Variants in NDOR1 observed in about 807,000 individuals in gnomAD.
NDOR1 encodes the protein NADPH-dependent diflavin oxidoreductase 1.
A neutral mutation model predicts 67.2 loss-of-function variants in NDOR1; 61 were observed. The observed-to-expected ratio is 0.91, with a 90% CI of 0.74 to 1.12. NDOR1 has a LOEUF of 1.12. NDOR1 is among the 50% of genes most tolerant of loss of function. The pLI is 0.00. For missense variants in NDOR1, 878 were observed against 802.8 expected, an observed-to-expected ratio of 1.09 and a Z score of -1.13; for synonymous variants, 378 against 343.7, an observed-to-expected ratio of 1.10 and a Z score of -1.10.
chr9:137,215,772 G>A lies in NDOR1; in HGVS notation c.1402G>A (p.Ala468Thr). The change falls in exon 11 of 14, where the codon GCC becomes ACC. Residue 468 changes from alanine to threonine, a missense_variant. Ala to Thr is a moderately conservative substitution (Grantham distance 58). Transcript: ENST00000684003. The part of the protein sequence containing the change: ...PGTGVAPFRA[A>T]IQERVAQGQT... Reference sequence around the variant, plus strand: ...CACTGGGGTAGCCCCCTTCCGAGCAGCCATCCAGGAGCGTGTGGCCCAGGG... The same window carrying A: ...CACTGGGGTAGCCCCCTTCCGAGCAACCATCCAGGAGCGTGTGGCCCAGGG... 6.3e-7 allele frequency: 1 copy of A among 1,597,428 alleles called. No individual in the cohort carries two copies. Among genetic ancestry groups the A allele is most frequent in the Non-Finnish European group, 8.5e-7 (1 of 1,171,126 alleles).
intron 6 of NDOR1, 59 bp from the exon 7 acceptor site, chr9:137,214,511 C>T (rs949237149): frequency 2.0e-5 from 32 of 1,608,786 alleles, no homozygotes; most frequent in Admixed American, 3.3e-5. Context: ...GACTTCTATC[C>T]GGGGCCCCGA....
rs1205595979 is a variant in NDOR1, at chr9:137,217,287, G to T, written c.*871G>T. On this transcript the variant is annotated 3_prime_UTR_variant, in exon 14 of 14. Transcript: ENST00000684003. ...CGCCCTGACTGCCTCGTTCTTAAGG[G>T]CATAGTGGGTCGGCTAAGATCTGAT... Among the ~76,000 whole-genome samples, 1 of 152,202 alleles carries T rather than the reference G, an allele frequency of 6.6e-6. No individual in the cohort carries two copies. Among genetic ancestry groups the T allele is most frequent in the Non-Finnish European group, 1.5e-5 (1 of 68,044 alleles).
At chr9:137,211,139 T>C (rs928791932) in intron 2 of NDOR1, among the ~76,000 whole-genome samples, 1 of 152,002 alleles carries the variant, frequency 6.6e-6, no homozygotes, top group Non-Finnish European at 1.5e-5. Flanking sequence ...AGACTCCATC[T>C]CAAAAAAAGA....
At position 137,205,939 on chromosome 9, in the gene NDOR1, G is replaced by A. The variant is rs552672687; in HGVS notation, c.135+27G>A. On this transcript the variant is annotated intron_variant, in intron 1 of 13. Coordinates refer to ENST00000684003, the MANE Select transcript of NDOR1 (RefSeq NM_014434.4). ...TGAGGGCTCGCTAGGGCCTCGGCGT[G>A]GGGGACGAGCAGGCCTGGCGTGCCC... 5.1e-6 allele frequency: 8 copies of A among 1,562,644 alleles called. No homozygotes were observed. In the African/African-American group the frequency reaches 8.1e-5, roughly 16 times the overall value.
chr9:137,205,983 C>T, intron 1 of NDOR1, 71 bp downstream of exon 1: 1 of 1,496,418 alleles, frequency 6.7e-7, no homozygotes, highest in South Asian at 1.3e-5. Flanking sequence ...GGGTCATCGA[C>T]CCAAAAGGCG....
chr9:137,216,435 C>A lies in NDOR1; in HGVS notation c.*19C>A. On this transcript the variant is annotated 3_prime_UTR_variant, in exon 14 of 14. Transcript: ENST00000684003. ...GGCCTGAGGCCCGCGGCTGCCCGTG[C>A]CCCCTCTGACAGCCATCCTCCTGGG... 6.3e-7 allele frequency: 1 copy of A among 1,586,842 alleles called. No homozygotes were observed. The highest frequency in any genetic ancestry group is 1.1e-5 in the South Asian group (1 of 90,460).
Position 137,218,315 on chromosome 9 carries a change from G to A in NDOR1, c.*1899G>A. On this transcript the variant is annotated 3_prime_UTR_variant, in exon 14 of 14. Transcript: ENST00000684003. Reference sequence around the variant, plus strand: ...GCCCTCACGCCAGCCCCGCCGAGAGGCCCCTGCATCCTATCACCGCAACCC... The same window carrying A: ...GCCCTCACGCCAGCCCCGCCGAGAGACCCCTGCATCCTATCACCGCAACCC... 1 of 398,148 alleles carries A rather than the reference G, an allele frequency of 2.5e-6. No homozygotes were observed. The highest frequency in any genetic ancestry group is 3.6e-5 in the East Asian group (1 of 28,046). The allele number at this position is 398,148 out of a possible 1,614,324, so 24.7% of individuals were successfully genotyped here. A position where few individuals can be genotyped will look rare whatever the true frequency, so the allele number is the denominator to read the frequency against.
rs7389929 is a variant in NDOR1 at position 137,217,748 on chromosome 9, G to A, written c.*1332G>A. The A allele has an allele frequency of 1.3e-5, 5 of 382,816 alleles. No homozygotes were observed. The highest frequency in any genetic ancestry group is 2.1e-5 in the African/African-American group (1 of 47,908). 23.7% of individuals were successfully genotyped at this position (382,816 alleles called of 1,614,324 possible). The stretch of plus-strand genomic sequence containing the variant: ...GCCTTCCCTGAGGGCCGCCCCTGTC[G>A]CCGCCCTGGGGTCCCTGTCCTCCTA... On this transcript the variant is annotated 3_prime_UTR_variant, in exon 14 of 14. Transcript: ENST00000684003.
chr9:137,211,175 C>CA (rs1434622202), intron 2 of NDOR1, among the ~76,000 whole-genome samples: 1 of 152,126 alleles, frequency 6.6e-6, no homozygotes, highest in Non-Finnish European at 1.5e-5. Context: ...GAAAGTATGA[C>CA]AAAAAGCAAG....
chr9:137,207,198 C>T (rs1403282346), intron 2 of NDOR1, among the ~76,000 whole-genome samples: 1 of 152,020 alleles, frequency 6.6e-6, no homozygotes, highest in Non-Finnish European at 1.5e-5. Context: ...CCATGAGATG[C>T]ACAGGACAGG....
chr9:137,208,483 C>CAA (rs918091354), intron 2 of NDOR1, among the ~76,000 whole-genome samples: 2 of 145,550 alleles, frequency 1.4e-5, no homozygotes, highest in Non-Finnish European at 3.0e-5. Flanking sequence ...ACAAAACAAA[C>CAA]AAACAAAAAA....
rs997203687 is a variant in NDOR1 at position 137,218,325 on chromosome 9, C to T, written c.*1909C>T. 4.0e-5 allele frequency: 16 copies of T among 398,104 alleles called. No homozygotes were observed. Among genetic ancestry groups the T allele is most frequent in the Non-Finnish European group, 6.6e-5 (15 of 225,798 alleles). 24.7% of individuals were successfully genotyped at this position (398,104 alleles called of 1,614,324 possible). A position where few individuals can be genotyped will look rare whatever the true frequency, so the allele number is the denominator to read the frequency against. On this transcript the variant is annotated 3_prime_UTR_variant, in exon 14 of 14. Coordinates refer to ENST00000684003, the MANE Select transcript of NDOR1 (RefSeq NM_014434.4). Reference sequence around the variant, plus strand: ...CAGCCCCGCCGAGAGGCCCCTGCATCCTATCACCGCAACCCTGGGCCCTGG... The same window carrying T: ...CAGCCCCGCCGAGAGGCCCCTGCATTCTATCACCGCAACCCTGGGCCCTGG...
At chr9:137,207,235 A>G (rs6606564) in intron 2 of NDOR1, among the ~76,000 whole-genome samples, 132,361 of 151,460 alleles carry the variant, frequency 0.87, 58,052 homozygotes, top group African/African-American at 0.93. Flanking sequence ...TCTGAGCTGA[A>G]GTGGTGGCAG....
intron 9 of NDOR1, 73 bp downstream of exon 9, chr9:137,215,275 G>A (rs560275181): frequency 4.5e-6 from 7 of 1,554,984 alleles, no homozygotes; most frequent in East Asian, 4.6e-5. Flanking sequence ...GGTTTTGTAA[G>A]CAGGGGCTGC....
rs1050614724 is a variant in NDOR1 at position 137,212,159 on chromosome 9, G to A, written c.214-343G>A. Among the ~76,000 whole-genome samples the A allele has an allele frequency of 6.6e-6, 1 of 152,088 alleles. No individual in the cohort carries two copies. Among genetic ancestry groups the A allele is most frequent in the African/African-American group, 2.4e-5 (1 of 41,400 alleles). On this transcript the variant is annotated intron_variant, in intron 2 of 13. Coordinates refer to ENST00000684003, the MANE Select transcript of NDOR1 (RefSeq NM_014434.4). This position sits in a 1 kb window ranked among gnomAD's most constrained non-coding sequence, Gnocchi z 4.3. ...GACCCCTGGGGCGGTGGACAGTTTG[G>A]AGACCAAGTGCAGAGCTGCTCCTGG...
intron 1 of NDOR1, 49 bp downstream of exon 1, chr9:137,205,961 G>A: frequency 6.6e-7 from 1 of 1,519,206 alleles, no homozygotes; most frequent in Non-Finnish European, 8.8e-7. Context: ...GGCCTGGCGT[G>A]CCCGCCTCGC....
intron 2 of NDOR1, among the ~76,000 whole-genome samples, chr9:137,208,920 C>T (rs559816254): frequency 1.7e-4 from 26 of 152,186 alleles, no homozygotes; most frequent in African/African-American, 5.8e-4. Context: ...CGCTCTGTCG[C>T]CCAGGCTGGA....
Position 137,215,705 on chromosome 9 carries a change from C to G in NDOR1, c.1335C>G (p.Phe445Leu). ...PLWVRPGSLA[F>L]PETPDTPVIM... ...GGGTGCGGCCTGGGAGTCTGGCCTTCCCAGAGACACCAGACACACCTGTGA... is the reference window on the plus strand; with the variant it reads ...GGGTGCGGCCTGGGAGTCTGGCCTTGCCAGAGACACCAGACACACCTGTGA... The change falls in exon 11 of 14, where the codon TTC (phenylalanine) becomes TTG (leucine). Residue 445 changes from phenylalanine to leucine, a missense_variant. Coordinates refer to ENST00000684003, the MANE Select transcript of NDOR1 (RefSeq NM_014434.4). The G allele has an allele frequency of 6.3e-7, 1 of 1,594,674 alleles. No homozygotes were observed. Among genetic ancestry groups the G allele is most frequent in the Non-Finnish European group, 8.6e-7 (1 of 1,169,338 alleles).
chr9:137,213,638 G>T, intron 3 of NDOR1, 142 bp from the exon 4 acceptor site: 1 of 824,296 alleles, frequency 1.2e-6, no homozygotes, highest in Non-Finnish European at 1.9e-6. Flanking sequence ...GGTGCGGCCA[G>T]CGTGGAGTGT....
Sources: gnomAD v4.1 joint callset for allele counts (sites outside exome capture counted in the v4.1 genomes callset) on GRCh38, gnomAD v4.1.1 for gene constraint, Gnocchi (gnomAD v3.1) non-coding constraint, MANE v1.5 for transcripts, NCBI Gene and HGNC (gene_info 2026-07-23, HGNC 2026-07-21) for gene names.